TMUB2: variants seen among roughly 807,000 people sequenced by gnomAD.
The protein encoded by TMUB2 is transmembrane and ubiquitin-like domain-containing protein 2.
TMUB2 carries 19 observed loss-of-function variants against 20.2 expected under a neutral mutation model. The ratio of observed to expected loss-of-function variants is 0.94; its 90% confidence interval spans 0.66 to 1.38. TMUB2 has a LOEUF of 1.38. Ranked by LOEUF, TMUB2 falls within the 40% of genes most tolerant of loss-of-function variation. The pLI is 0.00. For missense variants in TMUB2, 426 were observed against 402.5 expected, an observed-to-expected ratio of 1.06 and a Z score of -0.50; for synonymous variants, 186 against 166.0, an observed-to-expected ratio of 1.12 and a Z score of -0.92.
Position 44,191,315 on chromosome 17 carries a change from T to C in TMUB2, c.*451T>C, listed in dbSNP as rs2055543616. The C allele has an allele frequency of 1.0e-6, 1 of 991,162 alleles. No homozygotes were observed. The highest frequency in any genetic ancestry group is 5.8e-5 in the Admixed American group (1 of 17,268). The allele number at this position is 991,162 out of a possible 1,614,324, so 61.4% of individuals were successfully genotyped here. A position where few individuals can be genotyped will look rare whatever the true frequency, so the allele number is the denominator to read the frequency against. ...CTTCCATTTCTCAGCCAAATACTCA[T>C]CTTTTGAGACTGAAATCACACTGGC... On this transcript the variant is annotated 3_prime_UTR_variant, in exon 4 of 4. Transcript: ENST00000538716.
rs2054529878 is a variant in TMUB2 at position 44,187,004 on chromosome 17, A to G, written c.-139A>G. On this transcript the variant is annotated 5_prime_UTR_variant, in exon 1 of 4. Coordinates refer to ENST00000538716, the MANE Select transcript of TMUB2 (RefSeq NM_001076674.3). Reference sequence around the variant, plus strand: ...TCCGGGAGAAGCCGGAAGAGACCGGACCCTGAACAGAATCGCAGATTGCCA... The same window carrying G: ...TCCGGGAGAAGCCGGAAGAGACCGGGCCCTGAACAGAATCGCAGATTGCCA... 6.6e-6 allele frequency: 1 copy of G among 152,584 alleles called. No individual in the cohort carries two copies. Among genetic ancestry groups the G allele is most frequent in the Non-Finnish European group, 1.5e-5 (1 of 68,160 alleles). The allele number at this position is 152,584 out of a possible 1,614,324, so 9.5% of individuals were successfully genotyped here. A position where few individuals can be genotyped will look rare whatever the true frequency, so the allele number is the denominator to read the frequency against.
At position 44,190,777 on chromosome 17, in the gene TMUB2, C is replaced by A; in HGVS notation, c.879C>A (p.Arg293=). 1.9e-6 allele frequency: 3 copies of A among 1,614,228 alleles called. No individual in the cohort carries two copies. Among genetic ancestry groups the A allele is most frequent in the Non-Finnish European group, 2.5e-6 (3 of 1,180,030 alleles). Residue 293 remains arginine (R), a synonymous_variant, in exon 4 of 4, where the codon CGC becomes CGA. Transcript: ENST00000538716. ...TCTGGTACTTCCGAATCAATTACCG[C>A]CAATTCTTCACAGCACCTGCCACTG... is the stretch of plus-strand genomic sequence containing the variant. The part of the protein sequence containing the change: ...GVVWYFRINY[R]QFFTAPATVS...
Position 44,189,494 on chromosome 17 carries a change from A to C in TMUB2, c.508A>C (p.Ser170Arg). ...TGAGGATAGCACCTGCCTCCCTCCC[A>C]GCCCTGGCCTCATCACTGTGCGGCT... Reference protein sequence around the residue: ...RSEDSTCLPPSPGLITVRLKF... With the variant: ...RSEDSTCLPPRPGLITVRLKF... Residue 170 changes from serine (S) to arginine (R), a missense_variant, in exon 3 of 4, where the codon AGC becomes CGC. Ser to Arg is a moderately radical substitution (Grantham distance 110). Coordinates refer to ENST00000538716, the MANE Select transcript of TMUB2 (RefSeq NM_001076674.3). 6.2e-7 allele frequency: 1 copy of C among 1,614,012 alleles called. No homozygotes were observed. The highest frequency in any genetic ancestry group is 8.5e-7 in the Non-Finnish European group (1 of 1,179,966).
At position 44,190,483 on chromosome 17, in the gene TMUB2, T is replaced by C. The variant is rs371940764; in HGVS notation, c.603-18T>C. 81 of 1,570,434 alleles carry C rather than the reference T, an allele frequency of 5.2e-5. No homozygotes were observed. Among genetic ancestry groups the C allele is most frequent in the Non-Finnish European group, 6.6e-5 (76 of 1,155,050 alleles). On this transcript the variant is annotated intron_variant, in intron 3 of 3. Coordinates refer to ENST00000538716, the MANE Select transcript of TMUB2 (RefSeq NM_001076674.3). ...TCCTCACCCTCTATCTTTTCTTCCATGTCTTTCATCCTTACAGCAAATACT... is the reference window on the plus strand; with the variant it reads ...TCCTCACCCTCTATCTTTTCTTCCACGTCTTTCATCCTTACAGCAAATACT...
At position 44,191,524 on chromosome 17, in the gene TMUB2, C is replaced by T; in HGVS notation, c.*660C>T. ...GAAGGGGATGGGGCACCAAGCCAAG[C>T]CCCCAGCATTGGGAGCGGCCAGGCC... On this transcript the variant is annotated 3_prime_UTR_variant, in exon 4 of 4. Transcript: ENST00000538716. 1 of 986,068 alleles carries T rather than the reference C, an allele frequency of 1.0e-6. No individual in the cohort carries two copies. The highest frequency in any genetic ancestry group is 1.2e-6 in the Non-Finnish European group (1 of 830,090). 61.1% of individuals were successfully genotyped at this position (986,068 alleles called of 1,614,324 possible). A position where few individuals can be genotyped will look rare whatever the true frequency, so the allele number is the denominator to read the frequency against.
At position 44,191,127 on chromosome 17, in the gene TMUB2, G is replaced by C; in HGVS notation, c.*263G>C. ...TTAGGGTCCTCTGAAGGAGTTCAAA[G>C]CTGCTGGCCAAGCTCAGTGGGGAGC... On this transcript the variant is annotated 3_prime_UTR_variant, in exon 4 of 4. Coordinates refer to ENST00000538716, the MANE Select transcript of TMUB2 (RefSeq NM_001076674.3). The C allele has an allele frequency of 8.4e-7, 1 of 1,197,424 alleles. No homozygotes were observed. The highest frequency in any genetic ancestry group is 1.0e-6 in the Non-Finnish European group (1 of 960,114). The allele number at this position is 1,197,424 out of a possible 1,614,324, so 74.2% of individuals were successfully genotyped here.
In TMUB2 at chr17:44,190,932, G is replaced by A. The variant is rs1303797000; in HGVS notation, c.*68G>A. On this transcript the variant is annotated 3_prime_UTR_variant, in exon 4 of 4. Transcript: ENST00000538716. The stretch of plus-strand genomic sequence containing the variant: ...GGCCTCCCCACTTTTCCTGGCCAGA[G>A]CTGGGCCCAAGGGCCGGGGAGGGAG... 43 of 1,529,952 alleles carry A rather than the reference G, an allele frequency of 2.8e-5. No individual in the cohort carries two copies. The highest frequency in any genetic ancestry group is 1.8e-5 in the Non-Finnish European group (21 of 1,142,532). The allele number at this position is 1,529,952 out of a possible 1,614,324, so 94.8% of individuals were successfully genotyped here. A position where few individuals can be genotyped will look rare whatever the true frequency, so the allele number is the denominator to read the frequency against.
rs1310158462 is a variant in TMUB2 at position 44,191,700 on chromosome 17, G to T, written c.*836G>T. Reference sequence around the variant, plus strand: ...GGGCTATTGGAGGGTCAGTGTCTGTGACTGAATAAAGTTCCATTTTGTGGT... The same window carrying T: ...GGGCTATTGGAGGGTCAGTGTCTGTTACTGAATAAAGTTCCATTTTGTGGT... On this transcript the variant is annotated 3_prime_UTR_variant, in exon 4 of 4. Transcript: ENST00000538716. 1 of 985,774 alleles carries T rather than the reference G, an allele frequency of 1.0e-6. No individual in the cohort carries two copies. 61.1% of individuals were successfully genotyped at this position (985,774 alleles called of 1,614,324 possible).
Position 44,189,067 on chromosome 17 carries a change from C to T in TMUB2, c.81C>T (p.Thr27=). ...SSQAMELSDV[T]LIEGVGNEVM... ...AGGCCATGGAGCTCTCTGATGTCACCCTCATTGAGGGTGTGGGTAATGAGG... is the reference window on the plus strand; with the variant it reads ...AGGCCATGGAGCTCTCTGATGTCACTCTCATTGAGGGTGTGGGTAATGAGG... Residue 27 remains threonine, a synonymous_variant, in exon 3 of 4, where the codon ACC becomes ACT. Coordinates refer to ENST00000538716, the MANE Select transcript of TMUB2 (RefSeq NM_001076674.3). 1.2e-6 allele frequency: 2 copies of T among 1,613,948 alleles called. No individual in the cohort carries two copies. The highest frequency in any genetic ancestry group is 1.7e-6 in the Non-Finnish European group (2 of 1,179,980).
Position 44,189,022 on chromosome 17 carries a change from CG to C in TMUB2, c.37del (p.Val13TrpfsTer24), listed in dbSNP as rs760918462. 3 of 1,611,126 alleles carry C rather than the reference CG, an allele frequency of 1.9e-6. No homozygotes were observed. The highest frequency in any genetic ancestry group is 2.5e-6 in the Non-Finnish European group (3 of 1,178,508). On this transcript the variant is annotated frameshift_variant and splice_region_variant, in exon 3 of 4. Transcript: ENST00000538716. LOFTEE classifies it high-confidence loss of function. The part of the protein sequence containing the change: ...SRHLQNNLMS[V>X]DPASSQAMEL... Reference sequence around the variant, plus strand: ...ATGCTGTCCCCCTTTGTTCCTGCAGCGTGGACCCTGCCAGCAGCCAGGCCAT... The same window carrying C: ...ATGCTGTCCCCCTTTGTTCCTGCAGCTGGACCCTGCCAGCAGCCAGGCCAT...
chr17:44,191,374 G>C lies in TMUB2; in HGVS notation c.*510G>C. 1.0e-6 allele frequency: 1 copy of C among 987,674 alleles called. No homozygotes were observed. Among genetic ancestry groups the C allele is most frequent in the Non-Finnish European group, 1.2e-6 (1 of 831,106 alleles). 61.2% of individuals were successfully genotyped at this position (987,674 alleles called of 1,614,324 possible). ...AGATTGTGCCAGCCTTCTCTTATGG[G>C]CACCTAGCCGCCTTCACCTTCTTCC... On this transcript the variant is annotated 3_prime_UTR_variant, in exon 4 of 4. Coordinates refer to ENST00000538716, the MANE Select transcript of TMUB2 (RefSeq NM_001076674.3).
At chr17:44,188,824 C>A in intron 2 of TMUB2, 198 bp from the exon 3 acceptor site, 1 of 852,736 alleles carries the variant, frequency 1.2e-6, no homozygotes, top group Non-Finnish European at 1.6e-6. Flanking sequence ...AAGAGTTTCA[C>A]AATAGAGGCA....
rs746668739 is a variant in TMUB2 at position 44,188,987 on chromosome 17, G to A, written c.36-35G>A. 209 of 1,583,860 alleles carry A rather than the reference G, an allele frequency of 1.3e-4. 10 individuals are homozygous for A. The South Asian group carries it at 2.3e-3, about 18-fold the overall frequency. ...CTAGAGACCTGGTTGCAACCCCTCA[G>A]GCTCTGCTGATGCTGTCCCCCTTTG... On this transcript the variant is annotated intron_variant, in intron 2 of 3. Coordinates refer to ENST00000538716, the MANE Select transcript of TMUB2 (RefSeq NM_001076674.3).
At chr17:44,190,172 C>G (rs2055235031) in intron 3 of TMUB2, 1 of 214,546 alleles carries the variant, frequency 4.7e-6, no homozygotes, top group Non-Finnish European at 9.3e-6. Context: ...TGGTGAAACC[C>G]TGTCTCTACT....
Position 44,189,053 on chromosome 17 carries a change from C to G in TMUB2, c.67C>G (p.Leu23Val). The change falls in exon 3 of 4, where the codon CTC becomes GTC. Residue 23 changes from leucine (L) to valine (V), a missense_variant. Transcript: ENST00000538716. ...VDPASSQAME[L>V]SDVTLIEGVG... ...CCCTGCCAGCAGCCAGGCCATGGAG[C>G]TCTCTGATGTCACCCTCATTGAGGG... 6.2e-7 allele frequency: 1 copy of G among 1,613,832 alleles called. No individual in the cohort carries two copies. The highest frequency in any genetic ancestry group is 8.5e-7 in the Non-Finnish European group (1 of 1,179,916).
rs1002453280 is a variant in TMUB2 at position 44,191,822 on chromosome 17, G to A, written c.*958G>A. On this transcript the variant is annotated 3_prime_UTR_variant, in exon 4 of 4. Coordinates refer to ENST00000538716, the MANE Select transcript of TMUB2 (RefSeq NM_001076674.3). ...GCCGGGGCTACCAACGGGAGATGCA[G>A]TTTATTTACACCAGCAGCCATGGGG... 2.6e-6 allele frequency: 2 copies of A among 784,188 alleles called. No individual in the cohort carries two copies. The highest frequency in any genetic ancestry group is 3.8e-5 in the African/African-American group (2 of 52,754). The allele number at this position is 784,188 out of a possible 1,614,324, so 48.6% of individuals were successfully genotyped here.
At position 44,191,071 on chromosome 17, in the gene TMUB2, G is replaced by A. The variant is rs2055508357; in HGVS notation, c.*207G>A. 10 of 1,362,526 alleles carry A rather than the reference G, an allele frequency of 7.3e-6. No individual in the cohort carries two copies. Among genetic ancestry groups the A allele is most frequent in the African/African-American group, 1.5e-5 (1 of 68,386 alleles). 84.4% of individuals were successfully genotyped at this position (1,362,526 alleles called of 1,614,324 possible). A position where few individuals can be genotyped will look rare whatever the true frequency, so the allele number is the denominator to read the frequency against. On this transcript the variant is annotated 3_prime_UTR_variant, in exon 4 of 4. Coordinates refer to ENST00000538716, the MANE Select transcript of TMUB2 (RefSeq NM_001076674.3). ...TCCCTCCCGTGCGAGCACAACTCAG[G>A]TAGAAATGAGGATGTCATCTTCCTT...
chr17:44,190,371 A>AT, intron 3 of TMUB2, 130 bp from the exon 4 acceptor site: 6 of 751,006 alleles, frequency 8.0e-6, no homozygotes, highest in Admixed American at 3.6e-5. Flanking sequence ...AAAAAAAAAA[A>AT]GGATAAAGAT....
At chr17:44,187,593 TAA>T in intron 1 of TMUB2, 81 bp from the exon 2 acceptor site, 1 of 688,596 alleles carries the variant, frequency 1.5e-6, no homozygotes. Context: ...TCATGGTTAA[TAA>T]CATTAACCTT....
Sources: allele counts gnomAD v4.1 joint callset, GRCh38; gene constraint gnomAD v4.1.1; transcripts MANE v1.5; gene names NCBI Gene and HGNC (gene_info 2026-07-23, HGNC 2026-07-21).